KSR2: variants seen among roughly 807,000 people sequenced by gnomAD.
KSR2 encodes the protein kinase suppressor of ras 2.
In KSR2, 25 loss-of-function variants were observed where a neutral mutation model predicts 107.8. That is an observed-to-expected ratio of 0.23 (90% CI 0.17 to 0.32). KSR2 has a LOEUF of 0.32. Among genes scored for constraint, KSR2 ranks in the 10% least tolerant of loss-of-function variants. The pLI is 1.00. For missense variants in KSR2, 887 were observed against 1,268.9 expected, an observed-to-expected ratio of 0.70 and a Z score of 4.57; for synonymous variants, 480 against 507.0, an observed-to-expected ratio of 0.95 and a Z score of 0.71.
At chr12:117,961,988 T>C (rs921817465) in intron 1 of KSR2, among the ~76,000 whole-genome samples, 1 of 151,746 alleles carries the variant, frequency 6.6e-6, no homozygotes, top group Non-Finnish European at 1.5e-5. Context: ...CTATAAAAAA[T>C]TTTTAAATTA....
chr12:117,939,940 TAA>T (rs752170149), intron 1 of KSR2, among the ~76,000 whole-genome samples: 1,344 of 104,994 alleles, frequency 0.013, 11 homozygotes, highest in Middle Eastern at 0.076. Context: ...GACTCCATCT[TAA>T]AAACACACAC....
intron 1 of KSR2, among the ~76,000 whole-genome samples, chr12:117,890,494 G>A (rs535203862): frequency 1.3e-5 from 2 of 152,282 alleles, no homozygotes; most frequent in African/African-American, 4.8e-5. Context: ...GTGCTCTCCC[G>A]AAAACACTGC....
chr12:117,540,006 C>T, intron 9 of KSR2, 119 bp from the exon 10 acceptor site: 2 of 785,252 alleles, frequency 2.5e-6, no homozygotes, highest in Non-Finnish European at 2.0e-6. Context: ...CTTGCCCTTT[C>T]CTCAGCCACC....
chr12:117,612,900 C>G (rs994251589), intron 5 of KSR2, among the ~76,000 whole-genome samples: 4 of 152,206 alleles, frequency 2.6e-5, no homozygotes, highest in Admixed American at 2.6e-4. Flanking sequence ...TCCCCCTGCT[C>G]TCTCTCTTTT....
intron 3 of KSR2, among the ~76,000 whole-genome samples, chr12:117,848,521 G>A (rs1405386226): frequency 6.6e-6 from 1 of 152,216 alleles, no homozygotes; most frequent in Non-Finnish European, 1.5e-5. Flanking sequence ...GGGAATGGTA[G>A]GTTACCTCTG....
rs1002608789 is a variant in KSR2, at chr12:117,466,978, C to T, written c.*221G>A. 30 of 460,058 alleles carry T rather than the reference C, an allele frequency of 6.5e-5. No individual in the cohort carries two copies. Among genetic ancestry groups the T allele is most frequent in the African/African-American group, 4.7e-4 (23 of 49,168 alleles). The allele number at this position is 460,058 out of a possible 1,614,324, so 28.5% of individuals were successfully genotyped here. A position where few individuals can be genotyped will look rare whatever the true frequency, so the allele number is the denominator to read the frequency against. The stretch of plus-strand genomic sequence containing the variant: ...CAATAACGCATCACCCTGGCTGGTC[C>T]GGTTCAGTCCTAGCTCGGGGGTCCC... On this transcript the variant is annotated 3_prime_UTR_variant, in exon 20 of 20. Coordinates refer to ENST00000339824, the MANE Select transcript of KSR2 (RefSeq NM_173598.6).
chr12:117,874,377 C>G lies in KSR2; in HGVS notation c.181-13946G>C, dbSNP rs371388512. On this transcript the variant is annotated intron_variant, in intron 1 of 19. Transcript: ENST00000339824. ...CTTCCCAAGTAGCTAGGACCACAAG[C>G]GTGTGTCACCACACCCAGCTAATTT... is the stretch of plus-strand genomic sequence containing the variant. Among the ~76,000 whole-genome samples the G allele has an allele frequency of 7.2e-5, 11 of 152,158 alleles. No homozygotes were observed. The East Asian group carries it at 1.2e-3, about 16-fold the overall frequency.
chr12:117,646,166 G>A (rs1332592757), intron 5 of KSR2, among the ~76,000 whole-genome samples: 1 of 152,104 alleles, frequency 6.6e-6, no homozygotes, highest in African/African-American at 2.4e-5. Context: ...TACATGTTCA[G>A]TACAGACATA....
chr12:117,459,234 A>G lies in KSR2; in HGVS notation c.*7965T>C, dbSNP rs1870775211. On this transcript the variant is annotated 3_prime_UTR_variant, in exon 20 of 20. Coordinates refer to ENST00000339824, the MANE Select transcript of KSR2 (RefSeq NM_173598.6). The stretch of plus-strand genomic sequence containing the variant: ...AGACTGTCCACCAACTACAGCCCAA[A>G]TGGCTTGGCTTCTGGAAGTTTCTGA... The G allele has an allele frequency of 6.6e-6, 1 of 152,226 alleles. No individual in the cohort carries two copies. Among genetic ancestry groups the G allele is most frequent in the Admixed American group, 6.5e-5 (1 of 15,288 alleles). The allele number at this position is 152,226 out of a possible 1,614,324, so 9.4% of individuals were successfully genotyped here.
chr12:117,644,245 C>G (rs953157098), intron 5 of KSR2, among the ~76,000 whole-genome samples: 3 of 152,208 alleles, frequency 2.0e-5, no homozygotes, highest in African/African-American at 7.2e-5. Flanking sequence ...CCTAGCGAGG[C>G]CTCTGCACCT....
Position 117,457,631 on chromosome 12 carries a change from T to G in KSR2, c.*9568A>C, listed in dbSNP as rs1870685792. 1 of 152,216 alleles carries G rather than the reference T, an allele frequency of 6.6e-6. No individual in the cohort carries two copies. Among genetic ancestry groups the G allele is most frequent in the South Asian group, 2.1e-4 (1 of 4,824 alleles). The allele number at this position is 152,216 out of a possible 1,614,324, so 9.4% of individuals were successfully genotyped here. On this transcript the variant is annotated 3_prime_UTR_variant, in exon 20 of 20. Transcript: ENST00000339824. ...GCTTCCAGCCTCTGTGCTCCAAGGC[T>G]TGGGGCTTTATGAGGATTGATTCCA... is the stretch of plus-strand genomic sequence containing the variant.
intron 5 of KSR2, among the ~76,000 whole-genome samples, chr12:117,644,714 A>T (rs1883536823): frequency 6.6e-6 from 1 of 152,182 alleles, no homozygotes; most frequent in African/African-American, 2.4e-5. Flanking sequence ...CTGAAAGTAC[A>T]ATCTTGAATA....
rs552329148 is a variant in KSR2 at position 117,508,376 on chromosome 12, G to A, written c.2219+16476C>T. 2.6e-5 allele frequency among the ~76,000 whole-genome samples: 4 copies of A among 152,322 alleles called. No homozygotes were observed. The East Asian group carries it at 7.7e-4, about 29-fold the overall frequency. On this transcript the variant is annotated intron_variant, in intron 14 of 19. Coordinates refer to ENST00000339824, the MANE Select transcript of KSR2 (RefSeq NM_173598.6). ...GAAAAGCCCCACTCACAAACTTCTAGCACCTGGGATTGCACGTTAGAGAGT... is the reference window on the plus strand; with the variant it reads ...GAAAAGCCCCACTCACAAACTTCTAACACCTGGGATTGCACGTTAGAGAGT...
chr12:117,640,541 C>T (rs1469965995), intron 5 of KSR2, among the ~76,000 whole-genome samples: 2 of 152,268 alleles, frequency 1.3e-5, no homozygotes, highest in African/African-American at 2.4e-5. Context: ...TGTGAGCCAC[C>T]GTGCCCAGCC....
chr12:117,522,131 G>A (rs1475942391), intron 14 of KSR2, among the ~76,000 whole-genome samples: 2 of 152,126 alleles, frequency 1.3e-5, no homozygotes, highest in African/African-American at 4.8e-5. Context: ...TATGGCGCTT[G>A]GGGAGGGGGG....
chr12:117,573,371 G>T (rs775614564), intron 7 of KSR2, among the ~76,000 whole-genome samples: 1 of 151,888 alleles, frequency 6.6e-6, no homozygotes, highest in Non-Finnish European at 1.5e-5. Context: ...TGTCGTTGTC[G>T]TTGTCATTAA....
chr12:117,634,571 T>C (rs540097993), intron 5 of KSR2, among the ~76,000 whole-genome samples: 1 of 152,074 alleles, frequency 6.6e-6, no homozygotes, highest in East Asian at 1.9e-4. Flanking sequence ...TTTTCCCAGG[T>C]TCACACACAC....
Position 117,968,742 on chromosome 12 carries a change from T to C in KSR2, c.-487A>G, listed in dbSNP as rs1301207258. On this transcript the variant is annotated 5_prime_UTR_variant, in exon 1 of 20. Coordinates refer to ENST00000339824, the MANE Select transcript of KSR2 (RefSeq NM_173598.6). ...TATATTTTTGGCTGGCTTGCTTTTA[T>C]GTCAAAAAAAATCTGGTTTTCCCCC... 1.3e-5 allele frequency: 2 copies of C among 157,402 alleles called. No individual in the cohort carries two copies. The highest frequency in any genetic ancestry group is 4.8e-5 in the African/African-American group (2 of 41,530). 9.8% of individuals were successfully genotyped at this position (157,402 alleles called of 1,614,324 possible).
intron 10 of KSR2, among the ~76,000 whole-genome samples, chr12:117,534,302 C>A (rs1875878408): frequency 1.3e-5 from 2 of 152,288 alleles, no homozygotes; most frequent in Non-Finnish European, 2.9e-5. Flanking sequence ...CAGGACCAGA[C>A]CCTGTAGCTC....
Sources: allele counts gnomAD v4.1 joint callset (sites outside exome capture counted in the v4.1 genomes callset), GRCh38; gene constraint gnomAD v4.1.1; transcripts MANE v1.5; gene names NCBI Gene and HGNC (gene_info 2026-07-23, HGNC 2026-07-21).